Variants in LYPD6 observed in about 807,000 individuals in gnomAD.
The protein encoded by LYPD6 is ly6/PLAUR domain-containing protein 6.
LYPD6 carries 15 observed loss-of-function variants against 22.7 expected under a neutral mutation model. The ratio of observed to expected loss-of-function variants is 0.66; its 90% CI spans 0.44 to 1.02. The LOEUF (loss-of-function observed/expected upper bound fraction) is 1.02, where lower values mean the gene tolerates loss of function less well. Among genes scored for constraint, LYPD6 ranks in the 50% least tolerant of loss-of-function variants. LYPD6 has a pLI of 0.00. For missense variants in LYPD6, 189 were observed against 208.4 expected, an observed-to-expected ratio of 0.91 and a Z score of 0.57; for synonymous variants, 72 against 77.5, an observed-to-expected ratio of 0.93 and a Z score of 0.37.
downstream of LYPD6, among the ~76,000 whole-genome samples, chr2:149,475,289 C>T (rs1199304747): frequency 6.6e-6 from 1 of 152,044 alleles, no homozygotes; most frequent in African/African-American, 2.4e-5. Context: ...CTCATTGTAA[C>T]TGGGGGCACT....
At chr2:149,433,067 C>G (rs573868380) in intron 1 of LYPD6, among the ~76,000 whole-genome samples, 35 of 152,292 alleles carry the variant, frequency 2.3e-4, no homozygotes, top group Admixed American at 1.4e-3. Context: ...CTTTTACTAA[C>G]TACACATAAA....
chr2:149,362,497 G>T (rs1681590810), intron 1 of LYPD6, among the ~76,000 whole-genome samples: 1 of 152,264 alleles, frequency 6.6e-6, no homozygotes, highest in Non-Finnish European at 1.5e-5. Flanking sequence ...AGGTCTGTTT[G>T]TTCAGATTCT....
chr2:149,435,497 C>A (rs1683410853), intron 1 of LYPD6, among the ~76,000 whole-genome samples: 1 of 152,206 alleles, frequency 6.6e-6, no homozygotes, highest in Admixed American at 6.5e-5. Context: ...GGATGCTGTG[C>A]AGACCTGTCC....
chr2:149,337,906 A>G (rs1681069244), intron 1 of LYPD6, among the ~76,000 whole-genome samples: 1 of 152,190 alleles, frequency 6.6e-6, no homozygotes, highest in African/African-American at 2.4e-5. Flanking sequence ...TTCTTGGATT[A>G]GTTCACTTAG....
intron 1 of LYPD6, among the ~76,000 whole-genome samples, chr2:149,372,652 T>A (rs992561490): frequency 6.6e-6 from 1 of 152,226 alleles, no homozygotes; most frequent in Non-Finnish European, 1.5e-5. Flanking sequence ...TTTAAAAAAT[T>A]ATTGATCTCT....
At chr2:149,339,326 C>T (rs1681116242) in intron 1 of LYPD6, among the ~76,000 whole-genome samples, 2 of 152,258 alleles carry the variant, frequency 1.3e-5, no homozygotes, top group African/African-American at 4.8e-5. Flanking sequence ...TGGACAGGTT[C>T]TGGAGCCATC....
chr2:149,451,377 T>G (rs766667825), intron 3 of LYPD6, among the ~76,000 whole-genome samples: 41 of 152,318 alleles, frequency 2.7e-4, no homozygotes, highest in Middle Eastern at 3.4e-3. Context: ...CATTGGTGAT[T>G]AAGTTGCATA....
chr2:149,434,383 T>C (rs1379354946), intron 1 of LYPD6, among the ~76,000 whole-genome samples: 1 of 152,118 alleles, frequency 6.6e-6, no homozygotes, highest in Non-Finnish European at 1.5e-5. Flanking sequence ...TTGCCATGAG[T>C]TTGCTTTACT....
intron 3 of LYPD6, among the ~76,000 whole-genome samples, chr2:149,459,627 C>G (rs1055869470): frequency 6.6e-6 from 1 of 152,178 alleles, no homozygotes; most frequent in Non-Finnish European, 1.5e-5. Flanking sequence ...TACGGCCAGG[C>G]ACAGTGGCTT....
At chr2:149,353,519 C>T (rs184755654) in intron 1 of LYPD6, among the ~76,000 whole-genome samples, 11 of 152,240 alleles carry the variant, frequency 7.2e-5, no homozygotes, top group African/African-American at 1.7e-4. Flanking sequence ...CCTTTAATAA[C>T]GTGTTCAATC....
chr2:149,405,841 G>T (rs1274212191), intron 1 of LYPD6, among the ~76,000 whole-genome samples: 1 of 146,958 alleles, frequency 6.8e-6, no homozygotes, highest in Admixed American at 6.7e-5. Flanking sequence ...GTCAGTTTTG[G>T]ATCTTTCCTG....
chr2:149,406,425 G>A (rs1377078440), intron 1 of LYPD6, among the ~76,000 whole-genome samples: 5 of 151,426 alleles, frequency 3.3e-5, no homozygotes, highest in Admixed American at 6.6e-5. Context: ...TCCTGTATTG[G>A]GTGCATATAT....
intron 1 of LYPD6, among the ~76,000 whole-genome samples, chr2:149,364,112 G>A (rs1020161964): frequency 1.3e-5 from 2 of 152,094 alleles, no homozygotes; most frequent in African/African-American, 4.8e-5. Context: ...TTTTCAGAAG[G>A]GCTTTGAGTG....
intron 1 of LYPD6, among the ~76,000 whole-genome samples, chr2:149,431,495 T>A (rs1446631139): frequency 6.6e-6 from 1 of 152,224 alleles, no homozygotes; most frequent in Non-Finnish European, 1.5e-5. Flanking sequence ...TGTGAATGCA[T>A]GCCACTCATT....
At chr2:149,378,965 A>G (rs1681999026) in intron 1 of LYPD6, among the ~76,000 whole-genome samples, 1 of 152,264 alleles carries the variant, frequency 6.6e-6, no homozygotes, top group African/African-American at 2.4e-5. Flanking sequence ...CTGACATTTA[A>G]CAGAGAGATT....
At chr2:149,420,830 G>A (rs1471015380) in intron 1 of LYPD6, among the ~76,000 whole-genome samples, 1 of 152,182 alleles carries the variant, frequency 6.6e-6, no homozygotes, top group East Asian at 1.9e-4. Context: ...GAACTTCTCA[G>A]TGCTGTTTGC....
intron 1 of LYPD6, among the ~76,000 whole-genome samples, chr2:149,411,631 G>A (rs915137172): frequency 1.3e-5 from 2 of 152,158 alleles, no homozygotes; most frequent in African/African-American, 4.8e-5. Flanking sequence ...ATGATTGACA[G>A]TGGAAGTATT....
chr2:149,347,612 C>G (rs1559120052), intron 1 of LYPD6, among the ~76,000 whole-genome samples: 1 of 152,086 alleles, frequency 6.6e-6, no homozygotes, highest in Non-Finnish European at 1.5e-5. Context: ...GTAATTTTAT[C>G]CCCAAAATGA....
At chr2:149,341,202 C>T (rs1300783533) in intron 1 of LYPD6, among the ~76,000 whole-genome samples, 2 of 152,082 alleles carry the variant, frequency 1.3e-5, no homozygotes, top group African/African-American at 4.8e-5. Context: ...AGTGAATTCA[C>T]AAAAAGTTTG....
Sources: allele counts gnomAD v4.1 joint callset (sites outside exome capture counted in the v4.1 genomes callset), GRCh38; gene constraint gnomAD v4.1.1; transcripts MANE v1.5; gene names NCBI Gene and HGNC (gene_info 2026-07-23, HGNC 2026-07-21).